Variants in MYO1H observed in about 807,000 individuals in gnomAD.
The protein encoded by MYO1H is unconventional myosin-Ih.
A neutral mutation model predicts 149.3 loss-of-function variants in MYO1H; 118 were observed. That is an observed-to-expected ratio of 0.79 (90% CI 0.68 to 0.92). MYO1H has a LOEUF of 0.92. Among genes scored for constraint, MYO1H ranks in the 40% least tolerant of loss-of-function variants. The probability of loss-of-function intolerance (pLI) is 0.00; values close to 1 mark genes in which losing one functional copy is unlikely to be tolerated. For missense variants in MYO1H, 1,212 were observed against 1,280.7 expected (o/e 0.95, Z 0.82); for synonymous variants, 447 against 465.2 (o/e 0.96, Z 0.50).
chr12:109,384,585 T>C (rs1254980983), intron 1 of MYO1H, among the ~76,000 whole-genome samples: 3 of 152,168 alleles, frequency 2.0e-5, no homozygotes, highest in African/African-American at 7.2e-5. Context: ...AAAAGATAAC[T>C]GGAAATCAAC....
chr12:109,409,748 A>C, intron 11 of MYO1H, 124 bp downstream of exon 11: 2 of 887,416 alleles, frequency 2.3e-6, no homozygotes, highest in Non-Finnish European at 1.8e-6. Flanking sequence ...CTAGATTTAC[A>C]TAGTTTCTAA....
chr12:109,323,084 G>A, the MYO1H span, among the ~76,000 whole-genome samples: 1 of 152,164 alleles, frequency 6.6e-6, no homozygotes, highest in African/African-American at 2.4e-5. Flanking sequence ...TCCAACCTGG[G>A]CGACAGAGTG....
intron 1 of MYO1H, among the ~76,000 whole-genome samples, chr12:109,371,230 T>C (rs1471085331): frequency 6.8e-6 from 1 of 148,068 alleles, no homozygotes; most frequent in Non-Finnish European, 1.5e-5. Flanking sequence ...TTTTTTTTTT[T>C]TTTGAAATAG....
the MYO1H span, among the ~76,000 whole-genome samples, chr12:109,329,491 T>A: frequency 6.6e-6 from 1 of 152,142 alleles, no homozygotes; most frequent in Non-Finnish European, 1.5e-5. Context: ...AAGAACAGAT[T>A]AACCAGTCAT....
chr12:109,385,439 C>T (rs1206533973), intron 1 of MYO1H, among the ~76,000 whole-genome samples: 4 of 151,712 alleles, frequency 2.6e-5, no homozygotes, highest in Non-Finnish European at 5.9e-5. Context: ...ACTACAGGCA[C>T]GCACTGCCAC....
At chr12:109,409,246 C>CTTTTTTTTTTTTTTTTTTTTTT (rs66507410) in intron 10 of MYO1H, among the ~76,000 whole-genome samples, 2 of 47,840 alleles carry the variant, frequency 4.2e-5, no homozygotes, top group Non-Finnish European at 7.7e-5. Flanking sequence ...TCTTCTTCTT[C>CTTTTTTTTTTTTTTTTTTTTTT]TTTTTTTTTT....
intron 12 of MYO1H, among the ~76,000 whole-genome samples, 171 bp from the exon 13 acceptor site, chr12:109,410,517 T>A (rs889875501): frequency 6.6e-6 from 1 of 152,222 alleles, no homozygotes; most frequent in African/African-American, 2.4e-5. Context: ...TTTTAGGCCT[T>A]CTCTGCTTAT....
intron 12 of MYO1H, 113 bp downstream of exon 12, chr12:109,410,181 G>C (rs567345954): frequency 3.0e-5 from 16 of 530,038 alleles, no homozygotes; most frequent in Non-Finnish European, 4.6e-5. Flanking sequence ...TCACTCTGTC[G>C]CCCAGGCTGG....
Position 109,436,290 on chromosome 12 carries a change from C to T in MYO1H, c.2141-198C>T, listed in dbSNP as rs577064494. On this transcript the variant is annotated intron_variant, in intron 21 of 31. Coordinates refer to ENST00000310903, the Ensembl canonical transcript of MYO1H. ...AAGGCAGGAAGGAAACTCCAGTTCCCGGGCAGCATCTGGGAGCCAGGCGTC... is the reference window on the plus strand; with the variant it reads ...AAGGCAGGAAGGAAACTCCAGTTCCTGGGCAGCATCTGGGAGCCAGGCGTC... Among the ~76,000 whole-genome samples, 14 of 152,176 alleles carry T rather than the reference C, an allele frequency of 9.2e-5. 1 individual carries two copies. Among genetic ancestry groups the T allele is most frequent in the Admixed American group, 8.5e-4 (13 of 15,270 alleles).
intron 1 of MYO1H, among the ~76,000 whole-genome samples, chr12:109,355,952 A>G (rs562326306): frequency 1.7e-3 from 260 of 151,868 alleles, no homozygotes; most frequent in Middle Eastern, 0.014. Flanking sequence ...TCCTGACCTC[A>G]AGTGATCTGC....
chr12:109,401,065 C>T (rs1175731114), intron 5 of MYO1H, 28 bp from the exon 6 acceptor site: 3 of 1,604,590 alleles, frequency 1.9e-6, no homozygotes, highest in Non-Finnish European at 1.7e-6. Flanking sequence ...ATTGTTGTCA[C>T]TGCTGCAATT....
At chr12:109,383,638 A>G (rs1869248512) in intron 1 of MYO1H, among the ~76,000 whole-genome samples, 3 of 152,204 alleles carry the variant, frequency 2.0e-5, no homozygotes. Context: ...AAGAAGTTCT[A>G]ATAACACTGG....
Position 109,393,455 on chromosome 12 carries a change from C to G in MYO1H, c.290+9C>G. ...GAACTGCCACCACATGTGTAAGTAG[C>G]ATCCACAGGATCATCACTAGGAGGA... On this transcript the variant is annotated intron_variant, in intron 3 of 31. Transcript: ENST00000310903. 6.5e-7 allele frequency: 1 copy of G among 1,535,094 alleles called. No homozygotes were observed. The highest frequency in any genetic ancestry group is 8.9e-7 in the Non-Finnish European group (1 of 1,124,840).
intron 16 of MYO1H, among the ~76,000 whole-genome samples, chr12:109,422,403 G>A (rs1871209950): frequency 6.6e-6 from 1 of 152,172 alleles, no homozygotes; most frequent in Admixed American, 6.5e-5. Flanking sequence ...TCCCAGCCCA[G>A]CCCCTTCCCT....
chr12:109,411,920 T>C (rs778441773), exon 14 of MYO1H: 49 of 1,606,812 alleles, frequency 3.0e-5, no homozygotes, highest in Middle Eastern at 3.3e-4. Flanking sequence ...GGCCTGGTCC[T>C]GCTACAGACT....
intron 9 of MYO1H, 83 bp from the exon 10 acceptor site, chr12:109,407,711 T>C: frequency 3.5e-6 from 5 of 1,437,620 alleles, no homozygotes; most frequent in South Asian, 2.9e-5. Context: ...ATTTTATTTT[T>C]TTTTTAAGAA....
chr12:109,401,474 C>G, intron 6 of MYO1H: 1 of 529,132 alleles, frequency 1.9e-6, no homozygotes, highest in Admixed American at 3.5e-5. Flanking sequence ...GGTAAAGTAA[C>G]CAATGTCTAG....
At chr12:109,405,900 T>C (rs1870360637) in intron 7 of MYO1H, 22 bp from the exon 8 acceptor site, 1 of 1,541,400 alleles carries the variant, frequency 6.5e-7, no homozygotes, top group Admixed American at 1.7e-5. Flanking sequence ...CTCCTGTCTC[T>C]GAACACTTCC....
intron 2 of MYO1H, among the ~76,000 whole-genome samples, chr12:109,392,373 T>A (rs1869693560): frequency 6.6e-6 from 1 of 152,208 alleles, no homozygotes; most frequent in Non-Finnish European, 1.5e-5. Context: ...TCCTGCCTAC[T>A]TTGTTTACAG....
Sources: allele counts gnomAD v4.1 joint callset (sites outside exome capture counted in the v4.1 genomes callset), GRCh38; gene constraint gnomAD v4.1.1; transcripts MANE v1.5; gene names NCBI Gene and HGNC (gene_info 2026-07-23, HGNC 2026-07-21).